The following CFAP276 variants were observed in gnomAD, a reference collection of about 807,000 sequenced individuals.
The protein encoded by CFAP276 is cilia- and flagella-associated protein 276.
At chr1:109,109,323 C>CT in the CFAP276 span, among the ~76,000 whole-genome samples, 19 of 151,510 alleles carry the variant, frequency 1.3e-4, no homozygotes, top group African/African-American at 4.4e-4. Context: ...TGGTGGGCGC[C>CT]TGTAATCTCA....
the CFAP276 span, among the ~76,000 whole-genome samples, chr1:109,113,113 G>C: frequency 6.6e-6 from 1 of 152,174 alleles, no homozygotes; most frequent in African/African-American, 2.4e-5. Flanking sequence ...AAGAGGGCCG[G>C]GCGCGGTGGT....
At chr1:109,107,001 A>C in the CFAP276 span, 1 of 1,606,058 alleles carries the variant, frequency 6.2e-7, no homozygotes, top group Middle Eastern at 1.7e-4. Flanking sequence ...TGCCTCTACC[A>C]CTTACCTATA....
At chr1:109,113,461 AGAGAGAGG>A in the CFAP276 span, among the ~76,000 whole-genome samples, 2 of 129,018 alleles carry the variant, frequency 1.6e-5, no homozygotes, top group Admixed American at 1.5e-4. Flanking sequence ...AGAGAGAGAG[AGAGAGAGG>A]CCCACGTGCG....
chr1:109,110,692 A>G, the CFAP276 span, among the ~76,000 whole-genome samples: 1 of 152,182 alleles, frequency 6.6e-6, no homozygotes, highest in Non-Finnish European at 1.5e-5. Context: ...CAACTACCAT[A>G]TGGGTACCAT....
the CFAP276 span, chr1:109,106,744 A>C: frequency 1.3e-3 from 1,888 of 1,425,446 alleles, no homozygotes; most frequent in Non-Finnish European, 1.7e-3. Context: ...ATGTGATCTC[A>C]AGAATAAAGC....
chr1:109,112,436 G>A, the CFAP276 span, among the ~76,000 whole-genome samples: 5 of 152,168 alleles, frequency 3.3e-5, no homozygotes, highest in African/African-American at 9.7e-5. Context: ...AACGTTAGCC[G>A]ACTTGAATAT....
the CFAP276 span, among the ~76,000 whole-genome samples, chr1:109,110,564 G>A: frequency 4.5e-4 from 68 of 152,244 alleles, no homozygotes; most frequent in Non-Finnish European, 2.5e-4. Flanking sequence ...TTATCTCTCA[G>A]CTACTGTCTC....
the CFAP276 span, among the ~76,000 whole-genome samples, chr1:109,109,321 G>T: frequency 6.6e-6 from 1 of 151,338 alleles, no homozygotes; most frequent in Admixed American, 6.6e-5. Context: ...AGTGGTGGGC[G>T]CCTGTAATCT....
the CFAP276 span, chr1:109,113,529 A>C: frequency 4.8e-6 from 5 of 1,033,842 alleles, no homozygotes; most frequent in East Asian, 1.3e-4. Flanking sequence ...AACTCGGATC[A>C]ACTACAGTGT....
the CFAP276 span, chr1:109,113,776 CTGGCTTGGAGGA>C: frequency 7.3e-7 from 1 of 1,372,840 alleles, no homozygotes; most frequent in African/African-American, 1.4e-5. Flanking sequence ...AATTTGTTGG[CTGGCTTGGAGGA>C]TGCTTCCACT....
the CFAP276 span, chr1:109,112,668 G>T: frequency 6.4e-7 from 1 of 1,550,464 alleles, no homozygotes; most frequent in Non-Finnish European, 8.7e-7. Flanking sequence ...AAGGGTCCCG[G>T]GTGGGAGGCA....
At chr1:109,107,378 T>C in the CFAP276 span, among the ~76,000 whole-genome samples, 3,230 of 152,312 alleles carry the variant, frequency 0.021, 42 homozygotes, top group Non-Finnish European at 0.032. Context: ...CTTAATGAAC[T>C]TTACCTCATT....
chr1:109,108,881 C>T, the CFAP276 span, among the ~76,000 whole-genome samples: 1 of 152,008 alleles, frequency 6.6e-6, no homozygotes, highest in Non-Finnish European at 1.5e-5. Flanking sequence ...CAGGAGAATG[C>T]AATGTCTAAG....
chr1:109,106,915 C>G, the CFAP276 span: 65 of 1,009,788 alleles, frequency 6.4e-5, no homozygotes, highest in Middle Eastern at 6.4e-4. Flanking sequence ...CAAATGAGTA[C>G]CTAGTGATTA....
At chr1:109,113,416 AAGAGAGAGAGAGAGAGAGAGAG>A in the CFAP276 span, among the ~76,000 whole-genome samples, 25 of 68,072 alleles carry the variant, frequency 3.7e-4, no homozygotes, top group South Asian at 1.9e-3. Flanking sequence ...GAGAGAGAGA[AAGAGAGAGAGAGAGAGAGAGAG>A]AGAGAGAGAG....
At chr1:109,108,401 C>G in the CFAP276 span, among the ~76,000 whole-genome samples, 2 of 152,152 alleles carry the variant, frequency 1.3e-5, no homozygotes, top group African/African-American at 4.8e-5. Flanking sequence ...TCTCAGCCTC[C>G]CAAAGTGCTC....
the CFAP276 span, chr1:109,107,094 A>C: frequency 1.2e-6 from 2 of 1,614,154 alleles, no homozygotes; most frequent in South Asian, 2.2e-5. Context: ...CAAGGCTGCT[A>C]AGCGGAAGTC....
At chr1:109,112,921 C>T in the CFAP276 span, among the ~76,000 whole-genome samples, 1 of 151,954 alleles carries the variant, frequency 6.6e-6, no homozygotes, top group African/African-American at 2.4e-5. Context: ...TGAGCGGGCC[C>T]GAGACTTGGA....
At chr1:109,106,764 C>T in the CFAP276 span, 11 of 1,308,044 alleles carry the variant, frequency 8.4e-6, no homozygotes, top group East Asian at 1.2e-4. Context: ...CAGCCAAAGA[C>T]TCTTTTTACC....
Sources: allele counts gnomAD v4.1 joint callset (sites outside exome capture counted in the v4.1 genomes callset), GRCh38; gene constraint gnomAD v4.1.1; transcripts MANE v1.5; gene names NCBI Gene and HGNC (gene_info 2026-07-23, HGNC 2026-07-21).